The following RAB8A variants were observed in gnomAD, a reference collection of about 807,000 sequenced individuals.
The protein encoded by RAB8A is RAB8A, member RAS oncogene family, also known as ras-related protein Rab-8A.
In RAB8A, 5 loss-of-function variants were observed where a neutral mutation model predicts 29.2. The ratio of observed to expected loss-of-function variants is 0.17; its 90% CI spans 0.09 to 0.36. RAB8A has a LOEUF of 0.36. Ranked by LOEUF, RAB8A falls within the 10% of genes least tolerant of loss-of-function variation. The pLI, the probability that RAB8A is intolerant of heterozygous loss-of-function variation, is 1.00. For missense variants in RAB8A, 171 were observed against 272.2 expected, an observed-to-expected ratio of 0.63 and a Z score of 2.62; for synonymous variants, 108 against 99.9, an observed-to-expected ratio of 1.08 and a Z score of -0.49.
chr19:16,125,136 C>G lies in RAB8A; in HGVS notation c.247-334C>G. 4.7e-6 allele frequency: 2 copies of G among 422,470 alleles called. No individual in the cohort carries two copies. Among genetic ancestry groups the G allele is most frequent in the Non-Finnish European group, 8.9e-6 (2 of 225,000 alleles). The allele number at this position is 422,470 out of a possible 1,614,324, so 26.2% of individuals were successfully genotyped here. Reference sequence around the variant, plus strand: ...CAGTGGGCCTGTGGACCGGCTCCCACCGTCAGGCTGCACCACCCCGTGGGC... The same window carrying G: ...CAGTGGGCCTGTGGACCGGCTCCCAGCGTCAGGCTGCACCACCCCGTGGGC... On this transcript the variant is annotated intron_variant, in intron 3 of 7. Coordinates refer to ENST00000300935, the MANE Select transcript of RAB8A (RefSeq NM_005370.5). The surrounding 1 kb of genome is among the most constrained non-coding windows in gnomAD (Gnocchi z 5.0).
In RAB8A at chr19:16,122,386, T is replaced by C. The variant is rs2090879348; in HGVS notation, c.246+576T>C. Among the ~76,000 whole-genome samples, 1 of 152,162 alleles carries C rather than the reference T, an allele frequency of 6.6e-6. No individual in the cohort carries two copies. Among genetic ancestry groups the C allele is most frequent in the South Asian group, 2.1e-4 (1 of 4,820 alleles). Reference sequence around the variant, plus strand: ...CTGTGTCAGGGGCCCTGTGTGTACATGGCAGGGCATTCAGGGGTAGAGGGA... The same window carrying C: ...CTGTGTCAGGGGCCCTGTGTGTACACGGCAGGGCATTCAGGGGTAGAGGGA... On this transcript the variant is annotated intron_variant, in intron 3 of 7. Coordinates refer to ENST00000300935, the MANE Select transcript of RAB8A (RefSeq NM_005370.5). The surrounding 1 kb of genome is among the most constrained non-coding windows in gnomAD (Gnocchi z 4.7).
chr19:16,125,548 GT>G lies in RAB8A; in HGVS notation c.324+2del. 6.2e-7 allele frequency: 1 copy of G among 1,611,896 alleles called. No homozygotes were observed. The highest frequency in any genetic ancestry group is 2.2e-5 in the East Asian group (1 of 44,872). On this transcript the variant is annotated splice_donor_variant, in intron 4 of 7. Coordinates refer to ENST00000300935, the MANE Select transcript of RAB8A (RefSeq NM_005370.5). LOFTEE classifies it high-confidence loss of function. The surrounding 1 kb of genome is among the most constrained non-coding windows in gnomAD (Gnocchi z 5.0). ...GAACTGGATTCGCAACATTGAGGAGGTGAGGCCCTCCGGCTCCTCCCACTGT... is the reference window on the plus strand; with the variant it reads ...GAACTGGATTCGCAACATTGAGGAGGGAGGCCCTCCGGCTCCTCCCACTGT...
chr19:16,132,219 A>G lies in RAB8A; in HGVS notation c.539A>G (p.Asn180Ser), dbSNP rs747736923. Residue 180 changes from asparagine to serine, a missense_variant, in exon 8 of 8, where the codon AAC becomes AGC. Asn to Ser is a conservative substitution (Grantham distance 46). Transcript: ENST00000300935. The surrounding 1 kb of genome is among the most constrained non-coding windows in gnomAD (Gnocchi z 5.6). ...AACCTCTTGTGATTTCAGGAAGGCA[A>G]CAGCCCCCAGGGGAGCAACCAGGGA... The part of the protein sequence containing the change: ...KAKMDKKLEG[N>S]SPQGSNQGVK... 8 of 1,613,550 alleles carry G rather than the reference A, an allele frequency of 5.0e-6. No homozygotes were observed. Among genetic ancestry groups the G allele is most frequent in the East Asian group, 2.2e-5 (1 of 44,886 alleles).
intron 6 of RAB8A, 39 bp from the exon 7 acceptor site, chr19:16,129,515 C>T (rs773806348): frequency 6.2e-6 from 10 of 1,606,156 alleles, no homozygotes; most frequent in Non-Finnish European, 8.5e-6. Flanking sequence ...GACTCAGGGT[C>T]CTGCCATCCC....
chr19:16,120,844 C>T (rs1290055200), intron 2 of RAB8A, among the ~76,000 whole-genome samples: 1 of 151,966 alleles, frequency 6.6e-6, no homozygotes, highest in Non-Finnish European at 1.5e-5. Context: ...CTCCTGGCCT[C>T]AGGTGATCCA....
In RAB8A at chr19:16,111,951, C is replaced by T; in HGVS notation, c.50C>T (p.Ser17Leu). Reference protein sequence around the residue: ...YLFKLLLIGDSGVGKTCVLFR... With the variant: ...YLFKLLLIGDLGVGKTCVLFR... ...TTCAAGCTGCTGCTGATCGGGGACT[C>T]GGGGGTGGGGAAGACCTGTGTCCTG... Residue 17 changes from serine (S) to leucine (L), a missense_variant, in exon 1 of 8, where the codon TCG (serine) becomes TTG (leucine). Ser to Leu is a moderately radical substitution (Grantham distance 145, BLOSUM62 -2). This residue lies in a region of RAB8A where 26 missense variants were observed against 42.9 expected (regional missense o/e 0.61). Transcript: ENST00000300935. 6 of 1,614,000 alleles carry T rather than the reference C, an allele frequency of 3.7e-6. No homozygotes were observed. Among genetic ancestry groups the T allele is most frequent in the Non-Finnish European group, 5.1e-6 (6 of 1,179,872 alleles).
chr19:16,122,762 C>T lies in RAB8A; in HGVS notation c.246+952C>T, dbSNP rs1005655847. Reference sequence around the variant, plus strand: ...CATTATGTGTTTAGAGCATCCCACACGGCATCCGAAACCTCATGGCAACCC... The same window carrying T: ...CATTATGTGTTTAGAGCATCCCACATGGCATCCGAAACCTCATGGCAACCC... On this transcript the variant is annotated intron_variant, in intron 3 of 7. Coordinates refer to ENST00000300935, the MANE Select transcript of RAB8A (RefSeq NM_005370.5). The surrounding 1 kb of genome is among the most constrained non-coding windows in gnomAD (Gnocchi z 4.7). 1.3e-5 allele frequency among the ~76,000 whole-genome samples: 2 copies of T among 152,148 alleles called. No homozygotes were observed. The highest frequency in any genetic ancestry group is 2.9e-5 in the Non-Finnish European group (2 of 68,026).
chr19:16,117,444 G>C (rs1010668795), intron 1 of RAB8A, among the ~76,000 whole-genome samples: 4 of 151,066 alleles, frequency 2.6e-5, no homozygotes, highest in Admixed American at 6.6e-5. Flanking sequence ...AGCCAAGATT[G>C]TGCCACTGCA....
At position 16,125,178 on chromosome 19, in the gene RAB8A, C is replaced by A; in HGVS notation, c.247-292C>A. On this transcript the variant is annotated intron_variant, in intron 3 of 7. Coordinates refer to ENST00000300935, the MANE Select transcript of RAB8A (RefSeq NM_005370.5). This position sits in a 1 kb window ranked among gnomAD's most constrained non-coding sequence, Gnocchi z 5.0. ...CCCGTGGGCCATGAGGGGAGCCAGC[C>A]GGGCTTGTCAGCGAGTGCGTGGCAG... The A allele has an allele frequency of 2.0e-6, 1 of 504,828 alleles. No individual in the cohort carries two copies. Among genetic ancestry groups the A allele is most frequent in the Non-Finnish European group, 3.6e-6 (1 of 275,836 alleles). 31.3% of individuals were successfully genotyped at this position (504,828 alleles called of 1,614,324 possible).
rs1268840614 is a variant in RAB8A at position 16,132,106 on chromosome 19, A to T, written c.532-106A>T. 13 of 843,176 alleles carry T rather than the reference A, an allele frequency of 1.5e-5. No homozygotes were observed. The highest frequency in any genetic ancestry group is 2.1e-5 in the Non-Finnish European group (11 of 519,952). The allele number at this position is 843,176 out of a possible 1,614,324, so 52.2% of individuals were successfully genotyped here. A position where few individuals can be genotyped will look rare whatever the true frequency, so the allele number is the denominator to read the frequency against. On this transcript the variant is annotated intron_variant, in intron 7 of 7. Transcript: ENST00000300935. The surrounding 1 kb of genome is among the most constrained non-coding windows in gnomAD (Gnocchi z 5.6). ...GTTGGTTGGTTGGTTGGTTGGTTGG[A>T]TGGTTGGATGGATGGTTAGGTGGAT...
intron 2 of RAB8A, among the ~76,000 whole-genome samples, chr19:16,121,296 C>T (rs888441905): frequency 1.3e-4 from 20 of 152,168 alleles, no homozygotes; most frequent in African/African-American, 3.9e-4. Context: ...ATGTCTTACC[C>T]AGGCATCACC....
intron 1 of RAB8A, among the ~76,000 whole-genome samples, chr19:16,114,128 GCA>G (rs964478256): frequency 1.3e-5 from 2 of 151,960 alleles, no homozygotes; most frequent in African/African-American, 4.8e-5. Flanking sequence ...AATCAGCCGG[GCA>G]CAGTGGCTCA....
At chr19:16,112,240 C>G (rs2090827301) in intron 1 of RAB8A, 1 of 615,152 alleles carries the variant, frequency 1.6e-6, no homozygotes, top group Non-Finnish European at 2.8e-6. Flanking sequence ...GATAGGGAGA[C>G]TGAGGCTCCG....
rs1419063620 is a variant in RAB8A, at chr19:16,118,261, G to A, written c.160G>A (p.Gly54Ser). 2 of 1,611,342 alleles carry A rather than the reference G, an allele frequency of 1.2e-6. No individual in the cohort carries two copies. Among genetic ancestry groups the A allele is most frequent in the African/African-American group, 2.7e-5 (2 of 74,914 alleles). ...DFKIRTIELD[G>S]KRIKLQIWDT... ...TAAAATTAGGACCATAGAGCTCGAT[G>A]GCAAGAGAATTAAACTGCAGATATG... The change falls in exon 2 of 8, where the codon GGC becomes AGC. Residue 54 changes from glycine to serine, a missense_variant. Around this residue, in one of 3 missense-constraint regions of RAB8A, gnomAD observed 145 missense variants for 212.8 expected, o/e 0.68. Coordinates refer to ENST00000300935, the MANE Select transcript of RAB8A (RefSeq NM_005370.5).
At chr19:16,117,217 G>C (rs1357092479) in intron 1 of RAB8A, among the ~76,000 whole-genome samples, 1 of 151,772 alleles carries the variant, frequency 6.6e-6, no homozygotes, top group Non-Finnish European at 1.5e-5. Flanking sequence ...GGCCGGGTGC[G>C]GTGGCTGATG....
rs886832437 is a variant in RAB8A at position 16,111,901 on chromosome 19, T to C, written c.-1T>C. The C allele has an allele frequency of 1.2e-6, 2 of 1,613,828 alleles. No homozygotes were observed. The highest frequency in any genetic ancestry group is 1.7e-6 in the Non-Finnish European group (2 of 1,179,846). ...ACTTCCCGTCGGGGAGAGAGTGTAA[T>C]ATGGCGAAGACCTACGATTACCTGT... is the stretch of plus-strand genomic sequence containing the variant. On this transcript the variant is annotated 5_prime_UTR_variant, in exon 1 of 8. Transcript: ENST00000300935.
chr19:16,114,696 C>A (rs542695543), intron 1 of RAB8A, among the ~76,000 whole-genome samples: 1 of 151,898 alleles, frequency 6.6e-6, no homozygotes, highest in Non-Finnish European at 1.5e-5. Context: ...CCCAACCCCC[C>A]TCTTTAGAGT....
chr19:16,119,095 C>T (rs959829357), intron 2 of RAB8A, among the ~76,000 whole-genome samples: 11 of 152,224 alleles, frequency 7.2e-5, no homozygotes, highest in Admixed American at 6.5e-4. Flanking sequence ...AGGAGATGGG[C>T]CACGAAGTCA....
chr19:16,130,330 A>G (rs1322186658), intron 7 of RAB8A, among the ~76,000 whole-genome samples: 1 of 152,054 alleles, frequency 6.6e-6, no homozygotes. Context: ...GCCATGTTAC[A>G]TTGGTTGTCC....
Sources: allele counts gnomAD v4.1 joint callset (sites outside exome capture counted in the v4.1 genomes callset), GRCh38; gene constraint gnomAD v4.1.1; regional missense constraint gnomAD v4.1.1; non-coding constraint Gnocchi (gnomAD v3.1); transcripts MANE v1.5; gene names NCBI Gene and HGNC (gene_info 2026-07-23, HGNC 2026-07-21).